Variants in GRM5 observed in about 807,000 individuals in gnomAD.
GRM5 encodes the protein metabotropic glutamate receptor 5.
A neutral mutation model predicts 83.1 loss-of-function variants in GRM5; 19 were observed. That is an observed-to-expected ratio of 0.23 (90% CI 0.16 to 0.34). The LOEUF is 0.34. GRM5 is among the 10% of genes least tolerant of loss of function. GRM5 has a pLI of 1.00. For synonymous variants in GRM5, 675 were observed against 633.6 expected (o/e 1.07, Z -0.98); for missense variants, 1,160 against 1,588.3 (o/e 0.73, Z 4.58).
chr11:88,897,622 G>A (rs183392034), intron 2 of GRM5, among the ~76,000 whole-genome samples: 2 of 151,890 alleles, frequency 1.3e-5, no homozygotes, highest in East Asian at 3.9e-4. Flanking sequence ...GCTGAAAGAG[G>A]TGCTGCTGAC....
rs1275496251 is a variant in GRM5, at chr11:88,597,370, G to A, written c.1395-18C>T. 3.1e-6 allele frequency: 4 copies of A among 1,301,880 alleles called. No homozygotes were observed. In the African/African-American group the frequency reaches 5.9e-5, roughly 19 times the overall value. The allele number at this position is 1,301,880 out of a possible 1,614,324, so 80.6% of individuals were successfully genotyped here. A position where few individuals can be genotyped will look rare whatever the true frequency, so the allele number is the denominator to read the frequency against. On this transcript the variant is annotated intron_variant, in intron 5 of 9. Transcript: ENST00000305447. ...TTTCATACCTTAGGAATAAGAATAT[G>A]ATAATTATGCAGCTTAAGATGTAAA...
At chr11:88,579,389 A>G (rs1033404686) in intron 7 of GRM5, among the ~76,000 whole-genome samples, 1 of 152,212 alleles carries the variant, frequency 6.6e-6, no homozygotes, top group Non-Finnish European at 1.5e-5. Context: ...TCAACAGTAT[A>G]TGATCAGTGA....
intron 3 of GRM5, among the ~76,000 whole-genome samples, chr11:88,742,668 C>T (rs1403045621): frequency 6.6e-6 from 1 of 152,090 alleles, no homozygotes; most frequent in Non-Finnish European, 1.5e-5. Context: ...CTTCAAAGTA[C>T]GACCTCTCTG....
intron 3 of GRM5, among the ~76,000 whole-genome samples, chr11:88,694,671 C>T (rs1008689036): frequency 5.3e-5 from 8 of 151,826 alleles, no homozygotes; most frequent in African/African-American, 1.9e-4. Flanking sequence ...ATTGGACAAT[C>T]ATAAAACTAT....
chr11:88,853,285 C>T (rs1157338096), intron 2 of GRM5, among the ~76,000 whole-genome samples: 1 of 151,878 alleles, frequency 6.6e-6, no homozygotes, highest in Non-Finnish European at 1.5e-5. Flanking sequence ...ACTCATTATG[C>T]AATAAAATAT....
At position 88,525,298 on chromosome 11, in the gene GRM5, A is replaced by T. The variant is rs929572634; in HGVS notation, c.2726+11T>A. 1 of 1,504,684 alleles carries T rather than the reference A, an allele frequency of 6.6e-7. No homozygotes were observed. The highest frequency in any genetic ancestry group is 9.2e-7 in the Non-Finnish European group (1 of 1,081,104). The allele number at this position is 1,504,684 out of a possible 1,614,324, so 93.2% of individuals were successfully genotyped here. On this transcript the variant is annotated intron_variant, in intron 9 of 9. Coordinates refer to ENST00000305447, the MANE Select transcript of GRM5 (RefSeq NM_001143831.3). Reference sequence around the variant, plus strand: ...TTTCACACCACCTCAGGCCACTCATAGTTTGCTTACCTGCTCATTGTTGCT... The same window carrying T: ...TTTCACACCACCTCAGGCCACTCATTGTTTGCTTACCTGCTCATTGTTGCT...
chr11:88,517,547 G>A (rs529250722), intron 9 of GRM5, among the ~76,000 whole-genome samples: 27 of 152,270 alleles, frequency 1.8e-4, no homozygotes, highest in African/African-American at 6.5e-4. Context: ...ACTCAGCTTT[G>A]CTGAGTAACT....
intron 5 of GRM5, among the ~76,000 whole-genome samples, chr11:88,603,089 G>T (rs1006998694): frequency 6.6e-6 from 1 of 152,162 alleles, no homozygotes; most frequent in African/African-American, 2.4e-5. Context: ...TAAGTATGTT[G>T]TTCTTGAAAG....
chr11:89,017,667 G>A (rs991692667), intron 2 of GRM5, among the ~76,000 whole-genome samples: 3 of 152,204 alleles, frequency 2.0e-5, no homozygotes, highest in African/African-American at 7.2e-5. Flanking sequence ...CAGTCCAAGT[G>A]TATCTGATTC....
intron 2 of GRM5, among the ~76,000 whole-genome samples, chr11:88,950,351 A>AGTGTGTGT (rs55646353): frequency 0.015 from 2,156 of 147,456 alleles, 23 homozygotes; most frequent in East Asian, 0.038. Flanking sequence ...TTGTGAGATA[A>AGTGTGTGT]GTGTGTGTGT....
intron 5 of GRM5, among the ~76,000 whole-genome samples, chr11:88,599,562 G>C (rs1306292427): frequency 6.6e-6 from 1 of 152,156 alleles, no homozygotes; most frequent in East Asian, 1.9e-4. Context: ...TTAATTTTCA[G>C]AGATAGAATA....
Position 89,041,525 on chromosome 11 carries a change from C to A in GRM5, c.661+5687G>T, listed in dbSNP as rs577985840. Among the ~76,000 whole-genome samples the A allele has an allele frequency of 9.7e-4, 148 of 152,286 alleles. 1 individual carries two copies. Among genetic ancestry groups the A allele is most frequent in the African/African-American group, 3.4e-3 (140 of 41,574 alleles). On this transcript the variant is annotated intron_variant, in intron 2 of 9. Coordinates refer to ENST00000305447, the MANE Select transcript of GRM5 (RefSeq NM_001143831.3). ...GAATATAGAAGAAACACTGCCCAAA[C>A]CACATGTGGATATGTCAGCAAGCTC... is the stretch of plus-strand genomic sequence containing the variant.
intron 9 of GRM5, among the ~76,000 whole-genome samples, chr11:88,513,912 G>T (rs1175908890): frequency 6.1e-5 from 8 of 131,036 alleles, no homozygotes; most frequent in Non-Finnish European, 1.3e-4. Flanking sequence ...CTAAGATGTT[G>T]TATTTATTAT....
intron 2 of GRM5, among the ~76,000 whole-genome samples, chr11:88,882,798 A>C (rs1944982090): frequency 6.6e-6 from 1 of 152,086 alleles, no homozygotes; most frequent in African/African-American, 2.4e-5. Flanking sequence ...CCAAATCTCA[A>C]ATTGTAGCCC....
chr11:88,708,989 A>G (rs1941224219), intron 3 of GRM5, among the ~76,000 whole-genome samples: 1 of 152,146 alleles, frequency 6.6e-6, no homozygotes, highest in South Asian at 2.1e-4. Context: ...TACCATATTT[A>G]ATCAGTTCTG....
At chr11:88,646,726 GA>G (rs1480475705) in intron 4 of GRM5, among the ~76,000 whole-genome samples, 1 of 151,884 alleles carries the variant, frequency 6.6e-6, no homozygotes, top group Non-Finnish European at 1.5e-5. Context: ...AAGATATATA[GA>G]AGCAACAAAG....
At chr11:88,898,945 G>T (rs1159717905) in intron 2 of GRM5, among the ~76,000 whole-genome samples, 1 of 151,928 alleles carries the variant, frequency 6.6e-6, no homozygotes, top group Non-Finnish European at 1.5e-5. Context: ...TACCAAAAAT[G>T]CCCTTTATAC....
chr11:88,872,955 T>TG (rs11459616), intron 2 of GRM5, among the ~76,000 whole-genome samples: 148,069 of 150,136 alleles, frequency 0.99, 73,046 homozygotes, highest in East Asian at 1. Context: ...AACTATATGC[T>TG]CATACAAGAA....
At chr11:88,583,116 A>T (rs544490158) in intron 7 of GRM5, among the ~76,000 whole-genome samples, 1,816 of 140,118 alleles carry the variant, frequency 0.013, 17 homozygotes, top group African/African-American at 0.023. Flanking sequence ...ATTAAAAGGC[A>T]AAAAAAAAAA....
Sources: allele counts gnomAD v4.1 joint callset (sites outside exome capture counted in the v4.1 genomes callset), GRCh38; gene constraint gnomAD v4.1.1; transcripts MANE v1.5; gene names NCBI Gene and HGNC (gene_info 2026-07-23, HGNC 2026-07-21).